ACSL5: variants seen among roughly 807,000 people sequenced by gnomAD.
ACSL5 encodes the protein acyl-CoA synthetase long chain family member 5, also known as long-chain-fatty-acid--CoA ligase 5.
ACSL5 carries 50 observed loss-of-function variants against 84.9 expected under a neutral mutation model. That is an observed-to-expected ratio of 0.59 (90% CI 0.47 to 0.75). The LOEUF is 0.75. Among genes scored for constraint, ACSL5 ranks in the 30% least tolerant of loss-of-function variants. ACSL5 has a pLI of 0.00. For synonymous variants in ACSL5, 280 were observed against 300.7 expected (o/e 0.93, Z 0.71); for missense variants, 775 against 830.4 (o/e 0.93, Z 0.82).
rs752008798 is a variant in ACSL5 at position 112,426,324 on chromosome 10, G to A, written c.1804G>A (p.Val602Met). The A allele has an allele frequency of 3.1e-6, 5 of 1,614,092 alleles. No individual in the cohort carries two copies. The Admixed American group carries it at 8.3e-5, about 27-fold the overall frequency. ...TCCCTCATTTGCAGCCAAGCTTGGG[G>A]TGAAGGGCTCCTTTGAGGAACTGTG... ...VLPSFAAKLGVKGSFEELCQN... is the reference protein window; with the variant it reads ...VLPSFAAKLGMKGSFEELCQN... Residue 602 changes from valine (V) to methionine (M), a missense_variant, in exon 19 of 21, where the codon GTG becomes ATG. Transcript: ENST00000354655.
intron 16 of ACSL5, 131 bp from the exon 17 acceptor site, chr10:112,422,194 T>G (rs1325639215): frequency 1.9e-6 from 2 of 1,075,564 alleles, no homozygotes; most frequent in African/African-American, 1.6e-5. Context: ...TAGTGGAGAC[T>G]TAGATCTGGT....
At position 112,411,913 on chromosome 10, in the gene ACSL5, GC is replaced by G; in HGVS notation, c.885del (p.Thr296LeufsTer45). The G allele has an allele frequency of 6.2e-7, 1 of 1,613,780 alleles. No homozygotes were observed. Among genetic ancestry groups the G allele is most frequent in the Non-Finnish European group, 8.5e-7 (1 of 1,179,686 alleles). On this transcript the variant is annotated frameshift_variant, in exon 11 of 21. Transcript: ENST00000354655. LOFTEE classifies it high-confidence loss of function. ...CCTGGCCTACATAGCATGCTTATGA[GC>G]CCACTCCTGATGATGTGGCCATATC... ...FLKCVEHAYE[P>X]TPDDVAISYL...
intron 3 of ACSL5, among the ~76,000 whole-genome samples, chr10:112,401,787 T>TCTCC (rs1348949209): frequency 3.8e-5 from 2 of 52,558 alleles, no homozygotes; most frequent in African/African-American, 8.1e-5. Flanking sequence ...TCTTTCTTTC[T>TCTCC]CTTTCTTTCT....
At position 112,408,440 on chromosome 10, in the gene ACSL5, G is replaced by T; in HGVS notation, c.451G>T (p.Ala151Ser). The change falls in exon 6 of 21, where the codon GCT (alanine) becomes TCT (serine). Residue 151 changes from alanine (A) to serine (S), a missense_variant. Coordinates refer to ENST00000354655, the MANE Select transcript of ACSL5 (RefSeq NM_203379.2). ...NRPEWIISEL[A>S]CYTYSMVAVP... ...TGTACAGTGGATCATCTCCGAATTGGCTTGTTACACGTACTCTATGGTAGC... is the reference window on the plus strand; with the variant it reads ...TGTACAGTGGATCATCTCCGAATTGTCTTGTTACACGTACTCTATGGTAGC... 2.5e-6 allele frequency: 4 copies of T among 1,612,436 alleles called. No homozygotes were observed. The highest frequency in any genetic ancestry group is 3.4e-6 in the Non-Finnish European group (4 of 1,178,552).
At chr10:112,376,420 A>C (rs1849240244) in intron 1 of ACSL5, 2 of 1,614,090 alleles carry the variant, frequency 1.2e-6, no homozygotes, top group Non-Finnish European at 1.7e-6. Context: ...ATTCACTAGA[A>C]GCACTGAGAG....
At chr10:112,412,094 G>A (rs1844192101) in intron 11 of ACSL5, 115 bp downstream of exon 11, 5 of 1,114,786 alleles carry the variant, frequency 4.5e-6, no homozygotes, top group Non-Finnish European at 6.7e-6. Flanking sequence ...TGTGAGAGGT[G>A]CAGGCAAGGA....
At chr10:112,420,868 T>C (rs1844441793) in intron 14 of ACSL5, among the ~76,000 whole-genome samples, 1 of 151,972 alleles carries the variant, frequency 6.6e-6, no homozygotes, top group Non-Finnish European at 1.5e-5. Flanking sequence ...ATTACAGGCA[T>C]GTGCCACCAG....
chr10:112,394,817 T>C, intron 1 of ACSL5, 101 bp from the exon 2 acceptor site: 2 of 1,525,228 alleles, frequency 1.3e-6, no homozygotes, highest in South Asian at 1.3e-5. Flanking sequence ...CGCGTGTGTG[T>C]GTGTATGTGT....
At chr10:112,415,634 GATA>G (rs946762881) in intron 12 of ACSL5, among the ~76,000 whole-genome samples, 7 of 152,148 alleles carry the variant, frequency 4.6e-5, no homozygotes, top group African/African-American at 1.7e-4. Flanking sequence ...CTGGTACAAT[GATA>G]ATGTTATAGG....
chr10:112,412,058 C>T, intron 11 of ACSL5, 79 bp downstream of exon 11: 1 of 1,398,988 alleles, frequency 7.1e-7, no homozygotes, highest in Non-Finnish European at 1.0e-6. Context: ...AAGGCAGCTA[C>T]ACAGTATTTA....
At chr10:112,393,328 C>G (rs1843680746) in intron 1 of ACSL5, among the ~76,000 whole-genome samples, 1 of 152,118 alleles carries the variant, frequency 6.6e-6, no homozygotes, top group Admixed American at 6.5e-5. Flanking sequence ...ACTATTATCC[C>G]AGTTTCTGGA....
chr10:112,410,684 T>C (rs1402438311), intron 9 of ACSL5, 49 bp downstream of exon 9: 5 of 1,575,956 alleles, frequency 3.2e-6, no homozygotes, highest in Non-Finnish European at 4.3e-6. Context: ...GCCAAGAACA[T>C]GGCTTCAATT....
intron 1 of ACSL5, among the ~76,000 whole-genome samples, chr10:112,391,606 G>C (rs1843641277): frequency 6.6e-6 from 1 of 152,148 alleles, no homozygotes; most frequent in Non-Finnish European, 1.5e-5. Context: ...GTAATGAAGT[G>C]GTCAGTCTCG....
intron 18 of ACSL5, 161 bp downstream of exon 18, chr10:112,425,642 C>T: frequency 3.3e-6 from 2 of 612,466 alleles, no homozygotes; most frequent in Non-Finnish European, 5.0e-6. Flanking sequence ...TCAAATAAGG[C>T]AATTTCAATT....
chr10:112,388,162 A>T (rs1564731861), intron 1 of ACSL5, among the ~76,000 whole-genome samples: 1 of 151,978 alleles, frequency 6.6e-6, no homozygotes, highest in Non-Finnish European at 1.5e-5. Flanking sequence ...CTGGTCTCGA[A>T]CTCCTGGCCT....
At chr10:112,410,322 C>T (rs1362673537) in intron 7 of ACSL5, 141 bp from the exon 8 acceptor site, 1 of 1,550,884 alleles carries the variant, frequency 6.4e-7, no homozygotes, top group East Asian at 2.4e-5. Context: ...TGAATGTTGG[C>T]TTCTGGTCCT....
In ACSL5 at chr10:112,426,278, G is replaced by A; in HGVS notation, c.1758G>A (p.Val586=). 6.2e-7 allele frequency: 1 copy of A among 1,614,114 alleles called. No individual in the cohort carries two copies. The highest frequency in any genetic ancestry group is 8.5e-7 in the Non-Finnish European group (1 of 1,179,980). The change falls in exon 19 of 21, where the codon GTG becomes GTA. Residue 586 remains valine (V), a synonymous_variant. Transcript: ENST00000354655. The stretch of plus-strand genomic sequence containing the variant: ...CATAGTCATCCTTAGTAGGAGTGGT[G>A]GTTCCTGACACAGATGTACTTCCCT... ...ESLRSSLVGV[V]VPDTDVLPSF...
intron 1 of ACSL5, among the ~76,000 whole-genome samples, chr10:112,385,871 C>A (rs1213943713): frequency 1.3e-5 from 2 of 152,120 alleles, no homozygotes; most frequent in Non-Finnish European, 2.9e-5. Context: ...CTTCCCCATG[C>A]CAAATTATAA....
intron 12 of ACSL5, among the ~76,000 whole-genome samples, chr10:112,415,139 G>A (rs558367924): frequency 1.1e-4 from 16 of 152,276 alleles, no homozygotes; most frequent in African/African-American, 3.6e-4. Context: ...ATTTTTCAGA[G>A]ATAGTTATTG....
Sources: gnomAD v4.1 joint callset for allele counts (sites outside exome capture counted in the v4.1 genomes callset) on GRCh38, gnomAD v4.1.1 for gene constraint, MANE v1.5 for transcripts, NCBI Gene and HGNC (gene_info 2026-07-23, HGNC 2026-07-21) for gene names.